Variants in BRSK1 observed in about 807,000 individuals in gnomAD.
BRSK1 encodes the protein serine/threonine-protein kinase BRSK1.
A neutral mutation model predicts 86.2 loss-of-function variants in BRSK1; 17 were observed. That is an observed-to-expected ratio of 0.20 (90% CI 0.14 to 0.30). The LOEUF (loss-of-function observed/expected upper bound fraction) is 0.30, where lower values mean the gene tolerates loss of function less well. Ranked by LOEUF, BRSK1 falls within the 10% of genes least tolerant of loss-of-function variation. The pLI is 1.00. For synonymous variants in BRSK1, 464 were observed against 440.1 expected (o/e 1.05, Z -0.68); for missense variants, 719 against 1,071.9 (o/e 0.67, Z 4.60).
chr19:55,284,668 T>G, intron 1 of BRSK1, 90 bp downstream of exon 1: 3 of 1,095,816 alleles, frequency 2.7e-6, no homozygotes, highest in Non-Finnish European at 3.5e-6. Flanking sequence ...TGGCAGGGGC[T>G]GGCTGCCCAG....
chr19:55,307,436 C>A (rs2088669342), intron 17 of BRSK1, among the ~76,000 whole-genome samples: 1 of 151,436 alleles, frequency 6.6e-6, no homozygotes, highest in South Asian at 2.1e-4. Flanking sequence ...GTAATCCCAG[C>A]TACTCAGGAG....
intron 4 of BRSK1, among the ~76,000 whole-genome samples, chr19:55,293,234 G>C (rs1458359592): frequency 1.3e-5 from 2 of 152,050 alleles, no homozygotes; most frequent in Non-Finnish European, 2.9e-5. Flanking sequence ...GGTGGCTCAT[G>C]CCTGTAATCC....
In BRSK1 at chr19:55,303,360, C is replaced by G; in HGVS notation, c.1078C>G (p.Arg360Gly). 6.2e-7 allele frequency: 1 copy of G among 1,613,920 alleles called. No homozygotes were observed. The highest frequency in any genetic ancestry group is 8.5e-7 in the Non-Finnish European group (1 of 1,179,968). Reference sequence around the variant, plus strand: ...TTATCTGCTTTTGGATCGGAAGGAGCGGTATCCCAGCTGTGAGGACCAGGA... The same window carrying G: ...TTATCTGCTTTTGGATCGGAAGGAGGGGTATCCCAGCTGTGAGGACCAGGA... ...IYYLLLDRKERYPSCEDQDLP... is the reference protein window; with the variant it reads ...IYYLLLDRKEGYPSCEDQDLP... The change falls in exon 11 of 19, where the codon CGG becomes GGG. Residue 360 changes from arginine (R) to glycine (G), a missense_variant. By Grantham distance (125) the Arg-to-Gly change is moderately radical (BLOSUM62 -2). Around this residue, in one of 6 missense-constraint regions of BRSK1, gnomAD observed 168 missense variants for 246.3 expected, o/e 0.68. Transcript: ENST00000309383. This position sits in a 1 kb window ranked among gnomAD's most constrained non-coding sequence, Gnocchi z 5.1.
rs570663813 is a variant in BRSK1, at chr19:55,312,167, G to T, written c.*99G>T. ...AAGGCCCAAGGAACATGTCGGGAGG[G>T]GGGTGGACACAAAAACCGGCCTTGC... On this transcript the variant is annotated 3_prime_UTR_variant, in exon 19 of 19. Transcript: ENST00000309383. 8 of 580,164 alleles carry T rather than the reference G, an allele frequency of 1.4e-5. No individual in the cohort carries two copies. The highest frequency in any genetic ancestry group is 1.1e-4 in the Admixed American group (3 of 26,854). The allele number at this position is 580,164 out of a possible 1,614,324, so 35.9% of individuals were successfully genotyped here.
At chr19:55,308,837 G>GC in intron 18 of BRSK1, 109 bp downstream of exon 18, 1 of 353,654 alleles carries the variant, frequency 2.8e-6, no homozygotes, top group African/African-American at 2.7e-5. Flanking sequence ...GGTGGCGGGG[G>GC]CGGTGGGTGG....
chr19:55,304,556 G>C lies in BRSK1; in HGVS notation c.1353G>C (p.Pro451=), dbSNP rs1271188822. 12 of 1,582,012 alleles carry C rather than the reference G, an allele frequency of 7.6e-6. No homozygotes were observed. Among genetic ancestry groups the C allele is most frequent in the African/African-American group, 1.4e-5 (1 of 72,498 alleles). ...SSSPLSSPRS[P]VFSFSPEPGA... ...CAGTCTCCTGTCCTCTGCAGAGTCCGGTCTTTTCCTTTTCACCGGAGCCGG... is the reference window on the plus strand; with the variant it reads ...CAGTCTCCTGTCCTCTGCAGAGTCCCGTCTTTTCCTTTTCACCGGAGCCGG... The change falls in exon 14 of 19, where the codon CCG becomes CCC. Residue 451 remains proline (P), a synonymous_variant. Coordinates refer to ENST00000309383, the MANE Select transcript of BRSK1 (RefSeq NM_032430.2). This position sits in a 1 kb window ranked among gnomAD's most constrained non-coding sequence, Gnocchi z 5.2.
intron 1 of BRSK1, among the ~76,000 whole-genome samples, chr19:55,285,237 T>C (rs1600166933): frequency 6.8e-6 from 1 of 145,996 alleles, no homozygotes. Flanking sequence ...GCTGAACTCC[T>C]GGGTCTGAAG....
chr19:55,288,624 T>C (rs1325046320), intron 3 of BRSK1, among the ~76,000 whole-genome samples: 1 of 152,020 alleles, frequency 6.6e-6, no homozygotes, highest in Admixed American at 6.5e-5. Flanking sequence ...TTGCTCTTGT[T>C]GCCCAGGCTG....
intron 17 of BRSK1, among the ~76,000 whole-genome samples, chr19:55,307,032 A>C (rs1047476523): frequency 6.6e-6 from 1 of 152,234 alleles, no homozygotes; most frequent in Non-Finnish European, 1.5e-5. Flanking sequence ...GGCACAAGAA[A>C]GGAAAACCAC....
intron 7 of BRSK1, among the ~76,000 whole-genome samples, chr19:55,295,320 G>T (rs1444687986): frequency 6.6e-6 from 1 of 151,934 alleles, no homozygotes. Flanking sequence ...ACAGGGTTTC[G>T]CCTTGTTTCC....
In BRSK1 at chr19:55,284,577, A is replaced by G. The variant is rs767161885; in HGVS notation, c.135A>G (p.Thr45=). The G allele has an allele frequency of 2.8e-5, 34 of 1,232,546 alleles. No homozygotes were observed. The highest frequency in any genetic ancestry group is 6.2e-4 in the Middle Eastern group (2 of 3,234). 76.4% of individuals were successfully genotyped at this position (1,232,546 alleles called of 1,614,324 possible). Reference sequence around the variant, plus strand: ...AGAAGACGCTGGGCAAAGGACAGACAGGTGAGCCTAGCAGAAGGGGACACC... The same window carrying G: ...AGAAGACGCTGGGCAAAGGACAGACGGGTGAGCCTAGCAGAAGGGGACACC... The part of the protein sequence containing the change: ...RLEKTLGKGQ[T]GLVKLGVHCI... Residue 45 remains threonine (T), a splice_region_variant and synonymous_variant, in exon 1 of 19, where the codon ACA becomes ACG. Transcript: ENST00000309383.
At position 55,310,134 on chromosome 19, in the gene BRSK1, G is replaced by A. The variant is rs934265866; in HGVS notation, c.2179+1406G>A. On this transcript the variant is annotated intron_variant, in intron 18 of 18. Coordinates refer to ENST00000309383, the MANE Select transcript of BRSK1 (RefSeq NM_032430.2). The surrounding 1 kb of genome is among the most constrained non-coding windows in gnomAD (Gnocchi z 5.0). Reference sequence around the variant, plus strand: ...CCCGTGTTTGTTTTCTATGGCCGCCGTCAACAAATGACACAGCCTTGGTGG... The same window carrying A: ...CCCGTGTTTGTTTTCTATGGCCGCCATCAACAAATGACACAGCCTTGGTGG... Among the ~76,000 whole-genome samples, 8 of 152,204 alleles carry A rather than the reference G, an allele frequency of 5.3e-5. No homozygotes were observed. Among genetic ancestry groups the A allele is most frequent in the South Asian group, 2.1e-4 (1 of 4,836 alleles).
At chr19:55,307,792 T>A (rs150189080) in intron 17 of BRSK1, among the ~76,000 whole-genome samples, 12,419 of 88,102 alleles carry the variant, frequency 0.14, 748 homozygotes, top group Middle Eastern at 0.21. Flanking sequence ...ACACACAATT[T>A]AAAAAAAAAA....
chr19:55,302,315 G>A lies in BRSK1; in HGVS notation c.857+147G>A. The A allele has an allele frequency of 2.2e-6, 2 of 923,456 alleles. No homozygotes were observed. Among genetic ancestry groups the A allele is most frequent in the East Asian group, 4.8e-5 (2 of 41,578 alleles). 57.2% of individuals were successfully genotyped at this position (923,456 alleles called of 1,614,324 possible). A position where few individuals can be genotyped will look rare whatever the true frequency, so the allele number is the denominator to read the frequency against. The stretch of plus-strand genomic sequence containing the variant: ...GGACTTATGGGTCCTGGGGGAAGAG[G>A]ACACAGCTAGAGAAGGAGTCTAGGG... On this transcript the variant is annotated intron_variant, in intron 9 of 18. Coordinates refer to ENST00000309383, the MANE Select transcript of BRSK1 (RefSeq NM_032430.2). This position sits in a 1 kb window ranked among gnomAD's most constrained non-coding sequence, Gnocchi z 6.3.
At position 55,302,289 on chromosome 19, in the gene BRSK1, C is replaced by T. The variant is rs2088583040; in HGVS notation, c.857+121C>T. ...CCTGAGAGGCAACGGGCTAGGGACT[C>T]GGACTTATGGGTCCTGGGGGAAGAG... On this transcript the variant is annotated intron_variant, in intron 9 of 18. Transcript: ENST00000309383. The surrounding 1 kb of genome is among the most constrained non-coding windows in gnomAD (Gnocchi z 6.3). 4 of 1,140,578 alleles carry T rather than the reference C, an allele frequency of 3.5e-6. No individual in the cohort carries two copies. The highest frequency in any genetic ancestry group is 5.3e-6 in the Non-Finnish European group (4 of 751,694). The allele number at this position is 1,140,578 out of a possible 1,614,324, so 70.7% of individuals were successfully genotyped here.
chr19:55,308,900 G>A (rs921243537), intron 18 of BRSK1, among the ~76,000 whole-genome samples, 172 bp downstream of exon 18: 15 of 152,016 alleles, frequency 9.9e-5, no homozygotes, highest in African/African-American at 1.4e-4. Context: ...TGCAGAGGAC[G>A]CCCAGCTGGT....
rs1375318038 is a variant in BRSK1, at chr19:55,312,012, C to T, written c.2281C>T (p.Arg761Ter). The change falls in exon 19 of 19, where the codon CGA (arginine) becomes TGA (stop). Residue 761 changes from arginine (R) to a stop codon, truncating the protein, a stop_gained. Transcript: ENST00000309383. LOFTEE classifies it high-confidence loss of function. Reference sequence around the variant, plus strand: ...CCCAGAGCTGAGCAGCTCTCCCCGCCGAGGCCCCCCCAAGGACAAGAAGCT... The same window carrying T: ...CCCAGAGCTGAGCAGCTCTCCCCGCTGAGGCCCCCCCAAGGACAAGAAGCT... ...PDPELSSSPR[R>*]GPPKDKKLLA... is the part of the protein sequence containing the mutation. 5.3e-6 allele frequency: 8 copies of T among 1,521,146 alleles called. No individual in the cohort carries two copies. The highest frequency in any genetic ancestry group is 6.2e-6 in the Non-Finnish European group (7 of 1,133,340). The allele number at this position is 1,521,146 out of a possible 1,614,324, so 94.2% of individuals were successfully genotyped here.
In BRSK1 at chr19:55,309,305, G is replaced by A. The variant is rs190252701; in HGVS notation, c.2179+577G>A. 2.6e-3 allele frequency among the ~76,000 whole-genome samples: 402 copies of A among 152,230 alleles called. 2 individuals are homozygous for A. The highest frequency in any genetic ancestry group is 9.1e-3 in the African/African-American group (380 of 41,532). ...TGGGAATGTGCAAGATCTTGCTCTG[G>A]GGAATCCGGCCTTCCCGGGCTCCCA... On this transcript the variant is annotated intron_variant, in intron 18 of 18. Transcript: ENST00000309383.
At chr19:55,290,842 C>T (rs1239815916) in intron 4 of BRSK1, among the ~76,000 whole-genome samples, 3 of 152,004 alleles carry the variant, frequency 2.0e-5, no homozygotes, top group Admixed American at 2.0e-4. Context: ...GGGGTTTCAC[C>T]ATGTTAGCCA....
Sources: allele counts gnomAD v4.1 joint callset (sites outside exome capture counted in the v4.1 genomes callset), GRCh38; gene constraint gnomAD v4.1.1; regional missense constraint gnomAD v4.1.1; non-coding constraint Gnocchi (gnomAD v3.1); transcripts MANE v1.5; gene names NCBI Gene and HGNC (gene_info 2026-07-23, HGNC 2026-07-21).